NPIPB11: variants seen among roughly 807,000 people sequenced by gnomAD.
NPIPB11 encodes nuclear pore complex-interacting protein family member B11.
Under a neutral mutation model 32.8 loss-of-function variants are expected in NPIPB11, and 17 were observed. That is an observed-to-expected ratio of 0.52 (90% CI 0.35 to 0.78). The LOEUF (loss-of-function observed/expected upper bound fraction) is 0.78, where lower values mean the gene tolerates loss of function less well. NPIPB11 is among the 30% of genes least tolerant of loss of function. The pLI is 0.01. For synonymous variants in NPIPB11, 209 were observed against 398.4 expected (o/e 0.52, Z 5.66); for missense variants, 537 against 1,000.4 (o/e 0.54, Z 6.25).
At chr16:29,394,771 G>A (rs1259934104) in intron 2 of NPIPB11, among the ~76,000 whole-genome samples, 15 of 146,472 alleles carry the variant, frequency 1.0e-4, no homozygotes, top group East Asian at 8.3e-4. Flanking sequence ...TTTGAGATGG[G>A]GTCTCACTCT....
chr16:29,401,519 GTCC>G (rs1254294173), intron 2 of NPIPB11, among the ~76,000 whole-genome samples: 3 of 152,098 alleles, frequency 2.0e-5, no homozygotes. Flanking sequence ...CGGTGACTTA[GTCC>G]TCCTGTCATT....
chr16:29,406,284 A>G (rs1250712271), upstream of NPIPB11, among the ~76,000 whole-genome samples: 3 of 152,288 alleles, frequency 2.0e-5, no homozygotes, highest in African/African-American at 7.2e-5. Flanking sequence ...GTGAGGTGAC[A>G]TTAGATCTCA....
chr16:29,402,766 ATC>A (rs879669046), intron 2 of NPIPB11, among the ~76,000 whole-genome samples: 8,371 of 87,030 alleles, frequency 0.096, no homozygotes, highest in East Asian at 0.26. Flanking sequence ...GTGTGTGTGT[ATC>A]TCTATATAAA....
At chr16:29,394,039 G>T in exon 3 of NPIPB11, 1 of 1,599,416 alleles carries the variant, frequency 6.3e-7, no homozygotes. Context: ...ACCAAAGTCA[G>T]TCCCACGATG....
rs766090612 is a variant in NPIPB11, at chr16:29,394,114, GAC to G, written c.121-40_121-39del. The G allele has an allele frequency of 2.0e-5, 32 of 1,588,104 alleles. 1 individual carries two copies. The highest frequency in any genetic ancestry group is 2.0e-4 in the Middle Eastern group (1 of 4,916). On this transcript the variant is annotated intron_variant, in intron 2 of 7. Transcript: ENST00000524087. The stretch of plus-strand genomic sequence containing the variant: ...TAGTTGAAATAATGAAAAGGTCAAT[GAC>G]ACTGACAATATTTCACTCAGAAAGA...
At position 29,383,208 on chromosome 16, in the gene NPIPB11, G is replaced by C; in HGVS notation, c.1724C>G (p.Ser575Ter). Residue 575 changes from serine (S) to a stop codon, truncating the protein, a stop_gained, in exon 8 of 8, where the codon TCA (serine) becomes TGA (stop). Coordinates refer to ENST00000524087, the Ensembl canonical transcript of NPIPB11. LOFTEE classifies it low-confidence loss of function (END_TRUNC). ...AGGTGTCTTGATATTATCATCTGCT[G>C]AGGGTGGAGCTGAGGGTGGAAGGGG... 6.4e-7 allele frequency: 1 copy of C among 1,567,840 alleles called. No individual in the cohort carries two copies. The highest frequency in any genetic ancestry group is 8.7e-7 in the Non-Finnish European group (1 of 1,153,708).
exon 8 of NPIPB11, chr16:29,383,148 C>A (rs573087874): frequency 4.5e-6 from 7 of 1,564,066 alleles, no homozygotes; most frequent in Non-Finnish European, 5.2e-6. Context: ...GATTATCATC[C>A]GCTGAGGGTG....
At chr16:29,405,137 C>G (rs1189307703), upstream of NPIPB11, among the ~76,000 whole-genome samples, 2 of 151,954 alleles carry the variant, frequency 1.3e-5, no homozygotes, top group African/African-American at 4.8e-5. Context: ...AAACCTCTAA[C>G]TGTGTCTGAA....
intron 3 of NPIPB11, among the ~76,000 whole-genome samples, chr16:29,391,831 G>A (rs904082154): frequency 2.0e-5 from 3 of 151,914 alleles, no homozygotes; most frequent in African/African-American, 7.3e-5. Flanking sequence ...AGCGATTCTT[G>A]TGCCTCGGCC....
At chr16:29,389,498 A>AC (rs1345843006) in intron 5 of NPIPB11, among the ~76,000 whole-genome samples, 3 of 148,760 alleles carry the variant, frequency 2.0e-5, no homozygotes, top group African/African-American at 5.0e-5. Context: ...ACATGGTGAA[A>AC]CCCCATCTCT....
intron 2 of NPIPB11, among the ~76,000 whole-genome samples, chr16:29,401,700 A>C (rs1157299397): frequency 2.0e-5 from 3 of 152,118 alleles, no homozygotes; most frequent in African/African-American, 7.2e-5. Context: ...ATGTGAGTGG[A>C]AGTGAAGTGT....
At chr16:29,406,224 T>A (rs1303951208), upstream of NPIPB11, among the ~76,000 whole-genome samples, 1 of 152,266 alleles carries the variant, frequency 6.6e-6, no homozygotes, top group Non-Finnish European at 1.5e-5. Context: ...GTAGATTAAA[T>A]GGGCAGGCAT....
chr16:29,393,328 G>A (rs1358300661), intron 3 of NPIPB11, among the ~76,000 whole-genome samples: 1 of 151,360 alleles, frequency 6.6e-6, no homozygotes, highest in African/African-American at 2.4e-5. Flanking sequence ...TGACCTCAGA[G>A]GAACTTTGTC....
At chr16:29,405,698 A>G (rs1964099033), upstream of NPIPB11, among the ~76,000 whole-genome samples, 1 of 152,150 alleles carries the variant, frequency 6.6e-6, no homozygotes, top group African/African-American at 2.4e-5. Context: ...ATGGAGAATA[A>G]TTTTAACACA....
At chr16:29,389,699 G>C (rs1458834500) in intron 5 of NPIPB11, among the ~76,000 whole-genome samples, 1 of 88,166 alleles carries the variant, frequency 1.1e-5, no homozygotes, top group Non-Finnish European at 2.3e-5. Flanking sequence ...AAAAAAAAAA[G>C]AGAAAGGAAA....
At chr16:29,401,977 C>T (rs1964002764) in intron 2 of NPIPB11, among the ~76,000 whole-genome samples, 1 of 151,224 alleles carries the variant, frequency 6.6e-6, no homozygotes, top group Non-Finnish European at 1.5e-5. Context: ...ACCATCTACC[C>T]CACACTCTGT....
At chr16:29,393,408 C>A (rs1055095514) in intron 3 of NPIPB11, among the ~76,000 whole-genome samples, 30 of 152,044 alleles carry the variant, frequency 2.0e-4, no homozygotes, top group Admixed American at 1.6e-3. Context: ...CTCTAAATGG[C>A]CTACATCTCC....
At chr16:29,405,612 G>A (rs1964097165), upstream of NPIPB11, among the ~76,000 whole-genome samples, 1 of 152,088 alleles carries the variant, frequency 6.6e-6, no homozygotes, top group African/African-American at 2.4e-5. Flanking sequence ...ATGTCACACG[G>A]CTAGTAAGTG....
chr16:29,387,690 AC>A (rs1372355800), intron 5 of NPIPB11, among the ~76,000 whole-genome samples: 1 of 56,350 alleles, frequency 1.8e-5, no homozygotes, highest in African/African-American at 5.9e-5. Context: ...GTGTTGACTG[AC>A]TTTAACAAGG....
Sources: allele counts gnomAD v4.1 joint callset (sites outside exome capture counted in the v4.1 genomes callset), GRCh38; gene constraint gnomAD v4.1.1; transcripts MANE v1.5; gene names NCBI Gene and HGNC (gene_info 2026-07-23, HGNC 2026-07-21).